The following CTNNA3 variants were observed in gnomAD, a reference collection of about 807,000 sequenced individuals.
CTNNA3 encodes the protein catenin alpha-3.
In CTNNA3, 76 loss-of-function variants were observed where a neutral mutation model predicts 95.7. The observed-to-expected ratio is 0.79, with a 90% CI of 0.66 to 0.96. The LOEUF is 0.96. Ranked by LOEUF, CTNNA3 falls within the 40% of genes least tolerant of loss-of-function variation. CTNNA3 has a pLI of 0.00. For synonymous variants in CTNNA3, 431 were observed against 374.4 expected, an observed-to-expected ratio of 1.15 and a Z score of -1.74; for missense variants, 1,191 against 1,089.8, an observed-to-expected ratio of 1.09 and a Z score of -1.31.
At chr10:66,521,351 G>A (rs1307897858) in intron 10 of CTNNA3, among the ~76,000 whole-genome samples, 2 of 152,042 alleles carry the variant, frequency 1.3e-5, no homozygotes, top group Admixed American at 1.3e-4. Context: ...CTTAACTGAT[G>A]ATTCTGGTAA....
chr10:66,255,802 T>A (rs2090747679), intron 13 of CTNNA3, among the ~76,000 whole-genome samples: 1 of 152,214 alleles, frequency 6.6e-6, no homozygotes, highest in South Asian at 2.1e-4. Context: ...CAATATTGGA[T>A]CTTTTGCAAA....
At chr10:66,875,525 C>G (rs1844583176) in intron 7 of CTNNA3, among the ~76,000 whole-genome samples, 1 of 152,052 alleles carries the variant, frequency 6.6e-6, no homozygotes, top group African/African-American at 2.4e-5. Flanking sequence ...ACAGGTTAAG[C>G]CTCACTTGCT....
intron 13 of CTNNA3, among the ~76,000 whole-genome samples, chr10:66,261,087 G>A (rs138782461): frequency 8.5e-5 from 13 of 152,192 alleles, no homozygotes; most frequent in South Asian, 6.2e-4. Context: ...ATGAGAGAAT[G>A]TATGTGAAGT....
chr10:67,592,074 T>C (rs1842807030), intron 3 of CTNNA3, among the ~76,000 whole-genome samples: 1 of 152,138 alleles, frequency 6.6e-6, no homozygotes. Flanking sequence ...TGGTTCCTTC[T>C]GAATGATGTC....
intron 7 of CTNNA3, among the ~76,000 whole-genome samples, chr10:66,949,512 C>T (rs929021441): frequency 3.3e-5 from 5 of 151,386 alleles, no homozygotes; most frequent in East Asian, 2.0e-4. Flanking sequence ...GAGCCAAGAT[C>T]GCGCCATTGG....
Position 67,229,613 on chromosome 10 carries a change from G to C in CTNNA3, c.580-9743C>G, listed in dbSNP as rs117781369. On this transcript the variant is annotated intron_variant, in intron 5 of 17. Coordinates refer to ENST00000433211, the MANE Select transcript of CTNNA3 (RefSeq NM_013266.4). Reference sequence around the variant, plus strand: ...GGTCCTAGAACGATACAAGAATTCAGCAAATTTTCCAGATAAAAGATTAAT... The same window carrying C: ...GGTCCTAGAACGATACAAGAATTCACCAAATTTTCCAGATAAAAGATTAAT... 1.2e-3 allele frequency among the ~76,000 whole-genome samples: 182 copies of C among 152,280 alleles called. 3 individuals are homozygous for C. The East Asian group carries it at 0.032, about 27-fold the overall frequency.
chr10:66,521,682 G>A (rs1318591378), intron 10 of CTNNA3, among the ~76,000 whole-genome samples: 3 of 152,126 alleles, frequency 2.0e-5, no homozygotes, highest in African/African-American at 7.2e-5. Flanking sequence ...GGCCCTCCAG[G>A]AAGTCATTAA....
At chr10:66,460,220 C>T (rs946752210) in intron 11 of CTNNA3, among the ~76,000 whole-genome samples, 2 of 152,290 alleles carry the variant, frequency 1.3e-5, no homozygotes, top group Admixed American at 1.3e-4. Flanking sequence ...CCTTCACTCA[C>T]ACTCTTCTGT....
At position 67,582,945 on chromosome 10, in the gene CTNNA3, A is replaced by C. The variant is rs964794414; in HGVS notation, c.292+23912T>G. Reference sequence around the variant, plus strand: ...TCCTCCATCCCTTTATTTTGAGCCTATGTGTGTCTCTGCACAAGAGATGGG... The same window carrying C: ...TCCTCCATCCCTTTATTTTGAGCCTCTGTGTGTCTCTGCACAAGAGATGGG... On this transcript the variant is annotated intron_variant, in intron 3 of 17. Coordinates refer to ENST00000433211, the MANE Select transcript of CTNNA3 (RefSeq NM_013266.4). 1.7e-4 allele frequency among the ~76,000 whole-genome samples: 26 copies of C among 151,874 alleles called. 1 individual carries two copies. The highest frequency in any genetic ancestry group is 6.3e-4 in the African/African-American group (26 of 41,262).
At chr10:67,624,319 A>G (rs1843952446) in intron 2 of CTNNA3, among the ~76,000 whole-genome samples, 2 of 152,198 alleles carry the variant, frequency 1.3e-5, no homozygotes, top group African/African-American at 4.8e-5. Context: ...ACACCTGGAC[A>G]GACGTTTGTC....
At chr10:66,073,148 T>A (rs1330193988) in intron 14 of CTNNA3, among the ~76,000 whole-genome samples, 1 of 151,988 alleles carries the variant, frequency 6.6e-6, no homozygotes, top group Non-Finnish European at 1.5e-5. Context: ...TGAGAAGATG[T>A]TGGTCAGAGG....
At chr10:67,728,390 T>TTA (rs939755283) in intron 1 of CTNNA3, among the ~76,000 whole-genome samples, 9 of 147,024 alleles carry the variant, frequency 6.1e-5, no homozygotes, top group South Asian at 2.2e-4. Flanking sequence ...GAGGTGGAGG[T>TTA]TATATATATA....
At chr10:66,856,965 A>T (rs1255110156) in intron 7 of CTNNA3, among the ~76,000 whole-genome samples, 1 of 152,012 alleles carries the variant, frequency 6.6e-6, no homozygotes, top group Admixed American at 6.6e-5. Context: ...CATTTTTGTC[A>T]TGAAAATTTT....
At chr10:66,880,471 A>G (rs965232777) in intron 7 of CTNNA3, among the ~76,000 whole-genome samples, 3 of 152,140 alleles carry the variant, frequency 2.0e-5, no homozygotes, top group African/African-American at 4.8e-5. Flanking sequence ...TTAATGTTTC[A>G]GGGTCTGTTA....
chr10:66,675,404 C>G lies in CTNNA3; in HGVS notation c.1282-53620G>C, dbSNP rs1428365007. ...GAAAAAAAATGAGTTGGTTTAACTT[C>G]CCATCCTAAAGCTGGAAATTATATT... On this transcript the variant is annotated intron_variant, in intron 9 of 17. Coordinates refer to ENST00000433211, the MANE Select transcript of CTNNA3 (RefSeq NM_013266.4). Among the ~76,000 whole-genome samples, 7 of 151,938 alleles carry G rather than the reference C, an allele frequency of 4.6e-5. No individual in the cohort carries two copies. In the East Asian group the frequency reaches 1.4e-3, roughly 29 times the overall value.
At chr10:66,723,503 A>G (rs1447036646) in intron 9 of CTNNA3, among the ~76,000 whole-genome samples, 1 of 152,214 alleles carries the variant, frequency 6.6e-6, no homozygotes, top group Non-Finnish European at 1.5e-5. Context: ...CATCAAAAAA[A>G]ATCCTAAATG....
At chr10:66,397,894 CA>C (rs1351473541) in intron 11 of CTNNA3, among the ~76,000 whole-genome samples, 3 of 151,696 alleles carry the variant, frequency 2.0e-5, no homozygotes, top group African/African-American at 7.3e-5. Flanking sequence ...TGTGTATTTA[CA>C]AGTTCCTGGG....
intron 13 of CTNNA3, among the ~76,000 whole-genome samples, chr10:66,253,054 T>C (rs1013572487): frequency 2.0e-5 from 3 of 152,188 alleles, no homozygotes; most frequent in Non-Finnish European, 4.4e-5. Context: ...TCTACTCATT[T>C]AGAACATACT....
chr10:67,670,092 G>A (rs188348779), intron 1 of CTNNA3, among the ~76,000 whole-genome samples: 1 of 152,254 alleles, frequency 6.6e-6, no homozygotes, highest in Admixed American at 6.5e-5. Context: ...ATGACACTAA[G>A]AAAAAATAGA....
Sources: allele counts gnomAD v4.1 joint callset (sites outside exome capture counted in the v4.1 genomes callset), GRCh38; gene constraint gnomAD v4.1.1; transcripts MANE v1.5; gene names NCBI Gene and HGNC (gene_info 2026-07-23, HGNC 2026-07-21).